Variants in DTNA observed in about 807,000 individuals in gnomAD.
DTNA encodes the protein dystrobrevin alpha.
Under a neutral mutation model 100.7 loss-of-function variants are expected in DTNA, and 43 were observed. The ratio of observed to expected loss-of-function variants is 0.43; its 90% CI spans 0.33 to 0.55. The LOEUF is 0.55. Among genes scored for constraint, DTNA ranks in the 20% least tolerant of loss-of-function variants. The pLI, the probability that DTNA is intolerant of heterozygous loss-of-function variation, is 0.04. For missense variants in DTNA, 798 were observed against 953.9 expected (o/e 0.84, Z 2.15); for synonymous variants, 349 against 347.9 (o/e 1.00, Z -0.04).
chr18:34,623,084 G>A (rs2056789024), intron 1 of DTNA, among the ~76,000 whole-genome samples: 1 of 152,158 alleles, frequency 6.6e-6, no homozygotes, highest in South Asian at 2.1e-4. Flanking sequence ...CAAACATGCT[G>A]TGTGTTAAGG....
Position 34,838,053 on chromosome 18 carries a change from C to G in DTNA, c.1176-41C>G, listed in dbSNP as rs183008891. On this transcript the variant is annotated intron_variant, in intron 11 of 22. Coordinates refer to ENST00000444659, the MANE Select transcript of DTNA (RefSeq NM_001386795.1). ...CAGTTTCTATTCTTGAATGCATTGC[C>G]GTGTTTACGCTCTTCTTGGCTTTCC... 960 of 1,587,092 alleles carry G rather than the reference C, an allele frequency of 6.0e-4. 3 individuals are homozygous for G. Among genetic ancestry groups the G allele is most frequent in the Non-Finnish European group, 7.4e-4 (855 of 1,156,464 alleles).
At chr18:34,500,857 A>G (rs1396212012) in intron 1 of DTNA, among the ~76,000 whole-genome samples, 2 of 152,200 alleles carry the variant, frequency 1.3e-5, no homozygotes, top group Admixed American at 1.3e-4. Flanking sequence ...ATGTTAAATC[A>G]TGCTAACTAA....
chr18:34,825,209 T>G, intron 9 of DTNA: 2 of 1,610,482 alleles, frequency 1.2e-6, no homozygotes, highest in Non-Finnish European at 1.7e-6. Context: ...ATTGTATTGC[T>G]TGTAAATATT....
chr18:34,851,282 A>G (rs540171788), intron 14 of DTNA, among the ~76,000 whole-genome samples: 2 of 152,104 alleles, frequency 1.3e-5, no homozygotes, highest in South Asian at 4.1e-4. Context: ...TTGAATTTTT[A>G]GTAGAGATGG....
chr18:34,581,534 A>G (rs775722607), intron 1 of DTNA, among the ~76,000 whole-genome samples: 1 of 152,098 alleles, frequency 6.6e-6, no homozygotes, highest in Non-Finnish European at 1.5e-5. Flanking sequence ...GATAGAGAAG[A>G]GAAAGTGTGG....
At chr18:34,837,947 C>T in intron 11 of DTNA, 147 bp from the exon 12 acceptor site, 1 of 801,894 alleles carries the variant, frequency 1.2e-6, no homozygotes, top group Non-Finnish European at 2.1e-6. Flanking sequence ...CTGTGGAAAT[C>T]TGAAAACATC....
chr18:34,809,908 A>G (rs1209698602), intron 5 of DTNA, among the ~76,000 whole-genome samples: 4 of 152,200 alleles, frequency 2.6e-5, no homozygotes, highest in East Asian at 3.9e-4. Context: ...AGGGAGCATC[A>G]TTGACACAGC....
At chr18:34,642,591 G>A (rs1214745559) in intron 1 of DTNA, among the ~76,000 whole-genome samples, 3 of 147,920 alleles carry the variant, frequency 2.0e-5, no homozygotes, top group Non-Finnish European at 3.0e-5. Context: ...ACGGAGTCTC[G>A]CTCTGTTGCC....
chr18:34,813,622 A>G (rs567136731), intron 6 of DTNA, among the ~76,000 whole-genome samples: 5 of 152,254 alleles, frequency 3.3e-5, no homozygotes, highest in South Asian at 2.1e-4. Flanking sequence ...TGGGAGGCCA[A>G]GGCGGGCGGA....
intron 3 of DTNA, among the ~76,000 whole-genome samples, chr18:34,780,272 G>A (rs2094258037): frequency 6.6e-6 from 1 of 151,984 alleles, no homozygotes; most frequent in African/African-American, 2.4e-5. Flanking sequence ...GCTTCCCTTG[G>A]GTAAATACCA....
rs140168091 is a variant in DTNA at position 34,678,993 on chromosome 18, C to A, written c.-1-76983C>A. ...CTACTAATGACTGCTCAAGCTCAAT[C>A]CATCAGAGGAAATGTTAGTCTGAGG... is the stretch of plus-strand genomic sequence containing the variant. On this transcript the variant is annotated intron_variant, in intron 1 of 19. Coordinates refer to the DTNA transcript ENST00000283365. 2.6e-3 allele frequency among the ~76,000 whole-genome samples: 390 copies of A among 152,258 alleles called. 2 individuals are homozygous for A. The highest frequency in any genetic ancestry group is 8.7e-3 in the African/African-American group (363 of 41,546).
intron 15 of DTNA, among the ~76,000 whole-genome samples, chr18:34,853,308 T>A (rs1367927405): frequency 6.6e-6 from 1 of 152,190 alleles, no homozygotes. Context: ...TAAACACTGA[T>A]GTGACATTTG....
intron 1 of DTNA, among the ~76,000 whole-genome samples, chr18:34,693,320 C>G (rs1179729643): frequency 6.6e-6 from 1 of 152,006 alleles, no homozygotes; most frequent in Admixed American, 6.6e-5. Context: ...CATAGAATAT[C>G]ATAGAATTGA....
At chr18:34,886,567 A>C (rs1212712720) in intron 22 of DTNA, among the ~76,000 whole-genome samples, 2 of 152,222 alleles carry the variant, frequency 1.3e-5, no homozygotes, top group African/African-American at 4.8e-5. Context: ...AAGTCTAATA[A>C]AATGTGCTTG....
At chr18:34,689,152 G>A (rs546331705) in intron 1 of DTNA, among the ~76,000 whole-genome samples, 4 of 152,080 alleles carry the variant, frequency 2.6e-5, no homozygotes, top group South Asian at 2.1e-4. Context: ...CTGCCAATTC[G>A]TCAAACTCAT....
chr18:34,636,069 TGCA>T (rs577142003), intron 1 of DTNA, among the ~76,000 whole-genome samples: 75 of 152,370 alleles, frequency 4.9e-4, no homozygotes, highest in African/African-American at 1.8e-3. Flanking sequence ...TTCTTCAGTG[TGCA>T]GCAAGTCTTT....
intron 1 of DTNA, among the ~76,000 whole-genome samples, chr18:34,594,213 A>C (rs1254497448): frequency 6.6e-6 from 1 of 151,936 alleles, no homozygotes; most frequent in African/African-American, 2.4e-5. Context: ...GAGAGAAGAC[A>C]AGGGAGAGGA....
At chr18:34,884,901 C>T in intron 22 of DTNA, 125 bp downstream of exon 22, 1 of 1,139,140 alleles carries the variant, frequency 8.8e-7, no homozygotes, top group Non-Finnish European at 1.3e-6. Flanking sequence ...CCCTCCTTAA[C>T]TGCTGATATC....
At chr18:34,547,674 A>C (rs2044946305) in intron 1 of DTNA, among the ~76,000 whole-genome samples, 1 of 152,176 alleles carries the variant, frequency 6.6e-6, no homozygotes, top group African/African-American at 2.4e-5. Flanking sequence ...TTTGTCACAG[A>C]ACAAACCTGT....
Sources: gnomAD v4.1 joint callset for allele counts (sites outside exome capture counted in the v4.1 genomes callset) on GRCh38, gnomAD v4.1.1 for gene constraint, MANE v1.5 for transcripts, NCBI Gene and HGNC (gene_info 2026-07-23, HGNC 2026-07-21) for gene names.